TRERF1: variants seen among roughly 807,000 people sequenced by gnomAD.
TRERF1 encodes transcriptional regulating factor 1.
TRERF1 carries 27 observed loss-of-function variants against 122.9 expected under a neutral mutation model. That is an observed-to-expected ratio of 0.22 (90% confidence interval 0.16 to 0.30). The LOEUF is 0.30. Ranked by LOEUF, TRERF1 falls within the 10% of genes least tolerant of loss-of-function variation. The pLI is 1.00. For synonymous variants in TRERF1, 636 were observed against 641.7 expected (o/e 0.99, Z 0.13); for missense variants, 1,248 against 1,560.3 (o/e 0.80, Z 3.37).
rs550515788 is a variant in TRERF1, at chr6:42,243,176, C to T, written c.2859+72G>A. 107 of 1,309,106 alleles carry T rather than the reference C, an allele frequency of 8.2e-5. No individual in the cohort carries two copies. The African/African-American group carries it at 1.5e-3, about 18-fold the overall frequency. The allele number at this position is 1,309,106 out of a possible 1,614,324, so 81.1% of individuals were successfully genotyped here. ...TTGGCAGCAAAGCCAAACCAAACAC[C>T]AGCTACTTACTAACCTGGGCCTGGG... is the stretch of plus-strand genomic sequence containing the variant. On this transcript the variant is annotated intron_variant, in intron 15 of 17. Transcript: ENST00000372922.
chr6:42,398,939 A>C (rs1203801731), intron 2 of TRERF1, among the ~76,000 whole-genome samples: 1 of 152,152 alleles, frequency 6.6e-6, no homozygotes. Flanking sequence ...TGGAACCTAC[A>C]TTGTGTAGGC....
At position 42,269,282 on chromosome 6, in the gene TRERF1, GT is replaced by G. The variant is rs1261799993; in HGVS notation, c.308del (p.Asn103ThrfsTer4). On this transcript the variant is annotated frameshift_variant, in exon 5 of 18. Coordinates refer to ENST00000372922, the Ensembl canonical transcript of TRERF1. LOFTEE classifies it high-confidence loss of function. The surrounding 1 kb of genome is among the most constrained non-coding windows in gnomAD (Gnocchi z 4.9). ...CTGGTGCCCCCCACATCATGTTTGA[GT>G]TGGCCAGGTTTCCACGTAGCTGGAC... The G allele has an allele frequency of 6.2e-7, 1 of 1,614,062 alleles. No individual in the cohort carries two copies. Among genetic ancestry groups the G allele is most frequent in the East Asian group, 2.2e-5 (1 of 44,898 alleles).
At position 42,277,216 on chromosome 6, in the gene TRERF1, G is replaced by A. The variant is rs376909073; in HGVS notation, c.-258-7368C>T. Among the ~76,000 whole-genome samples the A allele has an allele frequency of 4.6e-5, 7 of 152,114 alleles. No homozygotes were observed. In the East Asian group the frequency reaches 1.2e-3, roughly 25 times the overall value. On this transcript the variant is annotated intron_variant, in intron 4 of 17. Coordinates refer to ENST00000372922, the Ensembl canonical transcript of TRERF1. The stretch of plus-strand genomic sequence containing the variant: ...GGCAGCCATGGTCTGAGTGGGCCTT[G>A]CTGATATATTCCTGGACACATTTGT...
exon 16 of TRERF1, chr6:42,236,265 G>T (rs962827499): frequency 6.2e-7 from 1 of 1,613,036 alleles, no homozygotes; most frequent in Non-Finnish European, 8.5e-7. Flanking sequence ...GGGCCTGCAG[G>T]GGCGGCCCCT....
At chr6:42,235,938 C>T (rs1352184798) in intron 16 of TRERF1, among the ~76,000 whole-genome samples, 1 of 152,192 alleles carries the variant, frequency 6.6e-6, no homozygotes, top group East Asian at 1.9e-4. Context: ...GGAGGCCACG[C>T]TCACTGCAGA....
chr6:42,261,450 G>A (rs1269425353), intron 8 of TRERF1, among the ~76,000 whole-genome samples: 1 of 152,144 alleles, frequency 6.6e-6, no homozygotes, highest in Non-Finnish European at 1.5e-5. Flanking sequence ...CACTTGAGAG[G>A]AAACACTTAC....
At chr6:42,374,149 AAAAG>A (rs1433669607) in intron 2 of TRERF1, among the ~76,000 whole-genome samples, 2 of 145,810 alleles carry the variant, frequency 1.4e-5, no homozygotes, top group East Asian at 4.1e-4. Context: ...AAAAAAAAAA[AAAAG>A]AAGAAGAAGA....
chr6:42,411,406 A>G (rs1166765890), intron 2 of TRERF1, among the ~76,000 whole-genome samples: 1 of 152,216 alleles, frequency 6.6e-6, no homozygotes, highest in Non-Finnish European at 1.5e-5. Context: ...TATCACTAAC[A>G]AAGGGACAGG....
Position 42,395,204 on chromosome 6 carries a change from G to T in TRERF1, c.-453-32125C>A, listed in dbSNP as rs372272. On this transcript the variant is annotated intron_variant, in intron 2 of 17. Transcript: ENST00000372922. ...AGCCAACTTCCCCTCTACAAAGTCA[G>T]GGTGGACTAACTAAAAGGAGCGCTA... Among the ~76,000 whole-genome samples the T allele has an allele frequency of 1.9e-3, 293 of 152,290 alleles. 2 individuals are homozygous for T. Among genetic ancestry groups the T allele is most frequent in the African/African-American group, 6.9e-3 (287 of 41,542 alleles).
intron 4 of TRERF1, among the ~76,000 whole-genome samples, chr6:42,290,150 C>T (rs911256848): frequency 6.6e-6 from 1 of 152,182 alleles, no homozygotes. Flanking sequence ...GGGCCCAGCG[C>T]TCAGGGGTCA....
At chr6:42,253,543 G>T (rs1223970629) in intron 13 of TRERF1, among the ~76,000 whole-genome samples, 1 of 152,176 alleles carries the variant, frequency 6.6e-6, no homozygotes, top group Non-Finnish European at 1.5e-5. Flanking sequence ...CAGACACCAA[G>T]CAGGAAATGA....
chr6:42,394,637 A>G (rs1055713649), intron 2 of TRERF1, among the ~76,000 whole-genome samples: 5 of 152,204 alleles, frequency 3.3e-5, no homozygotes, highest in Non-Finnish European at 7.3e-5. Context: ...CAACAACTGC[A>G]CTTGGCCATT....
intron 2 of TRERF1, among the ~76,000 whole-genome samples, chr6:42,386,497 A>C (rs1395890254): frequency 6.6e-6 from 1 of 151,918 alleles, no homozygotes; most frequent in African/African-American, 2.4e-5. Flanking sequence ...AGGACCAAAG[A>C]CTCCCCCAAT....
chr6:42,408,373 C>CTCTT lies in TRERF1; in HGVS notation c.-454+42803_-454+42804insAAGA, dbSNP rs1554207124. 8.9e-4 allele frequency among the ~76,000 whole-genome samples: 56 copies of CTCTT among 62,968 alleles called. 3 individuals carry two copies. The highest frequency in any genetic ancestry group is 1.3e-3 in the Non-Finnish European group (47 of 35,880). The allele number at this position is 62,968 out of a possible 152,430, so 41.3% of individuals were successfully genotyped here. A position where few individuals can be genotyped will look rare whatever the true frequency, so the allele number is the denominator to read the frequency against. Reference sequence around the variant, plus strand: ...TGTGTGTGTATATATATATATATATCTTTTTTTTTTTTTTTTTTTGAGAAA... The same window carrying CTCTT: ...TGTGTGTGTATATATATATATATATCTCTTTTTTTTTTTTTTTTTTTTTGAGAAA... On this transcript the variant is annotated intron_variant, in intron 2 of 17. Coordinates refer to ENST00000372922, the Ensembl canonical transcript of TRERF1.
chr6:42,248,700 A>C (rs6932636), intron 13 of TRERF1, among the ~76,000 whole-genome samples: 44,340 of 151,974 alleles, frequency 0.29, 9,474 homozygotes, highest in African/African-American at 0.61. Flanking sequence ...TCCCATGAAT[A>C]CTCAGCAGAA....
At chr6:42,308,355 G>A (rs1414711733) in intron 3 of TRERF1, among the ~76,000 whole-genome samples, 1 of 152,220 alleles carries the variant, frequency 6.6e-6, no homozygotes, top group East Asian at 1.9e-4. Context: ...TTAAGTGAAA[G>A]ACGTCAAACA....
At chr6:42,330,278 A>C (rs1765028016) in intron 3 of TRERF1, among the ~76,000 whole-genome samples, 1 of 152,182 alleles carries the variant, frequency 6.6e-6, no homozygotes, top group South Asian at 2.1e-4. Flanking sequence ...AGAATTTAAA[A>C]TCATACTGCA....
chr6:42,367,791 T>A (rs149602983), intron 2 of TRERF1, among the ~76,000 whole-genome samples: 5 of 152,038 alleles, frequency 3.3e-5, no homozygotes, highest in Non-Finnish European at 1.5e-5. Flanking sequence ...CTGAGGTGTA[T>A]AGCAGGGGAC....
chr6:42,320,999 C>T (rs1302896398), intron 3 of TRERF1, among the ~76,000 whole-genome samples: 3 of 151,978 alleles, frequency 2.0e-5, no homozygotes, highest in African/African-American at 4.8e-5. Flanking sequence ...GGCAAAATGG[C>T]CACAGGCTCA....
Sources: gnomAD v4.1 joint callset for allele counts (sites outside exome capture counted in the v4.1 genomes callset) on GRCh38, gnomAD v4.1.1 for gene constraint, Gnocchi (gnomAD v3.1) non-coding constraint, MANE v1.5 for transcripts, NCBI Gene and HGNC (gene_info 2026-07-23, HGNC 2026-07-21) for gene names.